The following TPO variants were observed in gnomAD, a reference collection of about 807,000 sequenced individuals.
The protein encoded by TPO is thyroid microsomal antigen.
In TPO, 78 loss-of-function variants were observed where a neutral mutation model predicts 96.9. The ratio of observed to expected loss-of-function variants is 0.81; its 90% CI spans 0.67 to 0.97. The LOEUF is 0.97. Among genes scored for constraint, TPO ranks in the 50% least tolerant of loss-of-function variants. The pLI is 0.00. For synonymous variants in TPO, 547 were observed against 538.0 expected (o/e 1.02, Z -0.23); for missense variants, 1,252 against 1,274.8 (o/e 0.98, Z 0.27).
intron 8 of TPO, among the ~76,000 whole-genome samples, chr2:1,480,559 TAC>T (rs3036105): frequency 0.059 from 2,593 of 44,288 alleles, 56 homozygotes; most frequent in Middle Eastern, 0.11. Flanking sequence ...TCAAACCCCC[TAC>T]ACACACACAC....
At chr2:1,428,008 C>T (rs1477110789) in intron 3 of TPO, among the ~76,000 whole-genome samples, 7 of 152,086 alleles carry the variant, frequency 4.6e-5, no homozygotes, top group East Asian at 1.9e-4. Flanking sequence ...AAACCGAGAG[C>T]GATCCAGAGA....
intron 7 of TPO, among the ~76,000 whole-genome samples, chr2:1,470,739 T>C (rs1464074216): frequency 1.3e-5 from 2 of 152,278 alleles, no homozygotes; most frequent in East Asian, 1.9e-4. Context: ...ACATACTGTG[T>C]CTACTAGGAA....
chr2:1,493,416 G>A (rs1671989507), intron 10 of TPO, among the ~76,000 whole-genome samples: 1 of 152,144 alleles, frequency 6.6e-6, no homozygotes, highest in Non-Finnish European at 1.5e-5. Context: ...AAAGAGCTCT[G>A]GCGTCCGAGC....
At chr2:1,525,823 C>A (rs72776256) in intron 15 of TPO, among the ~76,000 whole-genome samples, 17,757 of 143,292 alleles carry the variant, frequency 0.12, 1,256 homozygotes, top group Non-Finnish European at 0.14. Flanking sequence ...TGCAACCTAC[C>A]CAAATGCCCC....
chr2:1,524,109 C>T (rs72776254), intron 15 of TPO, among the ~76,000 whole-genome samples: 14,546 of 61,772 alleles, frequency 0.24, 952 homozygotes, highest in Non-Finnish European at 0.26. Flanking sequence ...CCCCCCACTC[C>T]GTGCAACCTC....
chr2:1,485,773 T>G (rs767264515), intron 9 of TPO, among the ~76,000 whole-genome samples: 28 of 152,180 alleles, frequency 1.8e-4, no homozygotes, highest in Non-Finnish European at 3.4e-4. Flanking sequence ...CCTTGTAAAT[T>G]GGTTTGCATT....
At chr2:1,422,337 C>CCTGGACAGACCTCGTGCAGACGCCGCG (rs1663712494) in intron 2 of TPO, among the ~76,000 whole-genome samples, 3 of 83,192 alleles carry the variant, frequency 3.6e-5, no homozygotes, top group Non-Finnish European at 5.5e-5. Context: ...AGGCGCCTCT[C>CCTGGACAGACCTCGTGCAGACGCCGCG]CTGGACCGAC....
chr2:1,506,695 T>C (rs1185801638), intron 14 of TPO, among the ~76,000 whole-genome samples: 1 of 152,232 alleles, frequency 6.6e-6, no homozygotes, highest in Non-Finnish European at 1.5e-5. Flanking sequence ...TTGAGAAGTG[T>C]CTGTTCATAT....
At chr2:1,423,624 AAAAAG>A (rs1241821540) in intron 3 of TPO, among the ~76,000 whole-genome samples, 3 of 152,204 alleles carry the variant, frequency 2.0e-5, no homozygotes, top group South Asian at 4.1e-4. Context: ...ACCTGTCTAG[AAAAAG>A]AAAAGAAAAA....
intron 9 of TPO, among the ~76,000 whole-genome samples, chr2:1,485,538 C>T (rs1671077454): frequency 6.6e-6 from 1 of 151,744 alleles, no homozygotes; most frequent in Admixed American, 6.5e-5. Context: ...TAAAAGCATT[C>T]CTTTTCTCCA....
intron 14 of TPO, among the ~76,000 whole-genome samples, chr2:1,505,504 CCCA>C (rs1673343591): frequency 2.9e-5 from 3 of 104,190 alleles, no homozygotes; most frequent in African/African-American, 3.8e-5. Flanking sequence ...CAGGCACACC[CCCA>C]CCACCATCCT....
intron 15 of TPO, 89 bp from the exon 16 acceptor site, chr2:1,540,505 T>C (rs2125351886): frequency 6.3e-7 from 1 of 1,599,982 alleles, no homozygotes; most frequent in Non-Finnish European, 8.5e-7. Context: ...CAAGCACGGC[T>C]GCCTTGCCGT....
At chr2:1,381,992 A>T (rs954331408) in intron 1 of TPO, among the ~76,000 whole-genome samples, 1 of 152,162 alleles carries the variant, frequency 6.6e-6, no homozygotes, top group African/African-American at 2.4e-5. Context: ...TTTCATGAGG[A>T]TGGGAAGATG....
chr2:1,538,706 G>T (rs970813645), intron 15 of TPO, among the ~76,000 whole-genome samples: 1 of 152,196 alleles, frequency 6.6e-6, no homozygotes, highest in Non-Finnish European at 1.5e-5. Flanking sequence ...GCAGAGTGGT[G>T]ATGGTTCAGG....
intron 15 of TPO, among the ~76,000 whole-genome samples, chr2:1,527,778 GTGCAACCTCCCAAAATCCCACACACTGTA>G (rs1298183875): frequency 4.1e-5 from 5 of 121,264 alleles, no homozygotes; most frequent in East Asian, 2.8e-4. Flanking sequence ...CCCCCACTCT[GTGCAACCTCCCAAAATCCCACACACTGTA>G]TGCAACCTCC....
rs531817892 is a variant in TPO, at chr2:1,392,284, A to G, written n.180+17882A>G. ...AATCCTGTGGTTTTTGTCATTGGTT[A>G]TGTTTACGTGATGGATTATGTTCAT... On this transcript the variant is annotated intron_variant and non_coding_transcript_variant, in intron 1 of 5. Transcript: ENST00000497517. Among the ~76,000 whole-genome samples, 29 of 152,228 alleles carry G rather than the reference A, an allele frequency of 1.9e-4. No individual in the cohort carries two copies. In the Middle Eastern group the frequency reaches 0.01, roughly 54 times the overall value.
At chr2:1,487,106 T>C (rs1671242882) in intron 9 of TPO, among the ~76,000 whole-genome samples, 1 of 152,192 alleles carries the variant, frequency 6.6e-6, no homozygotes, top group Non-Finnish European at 1.5e-5. Context: ...GCGGGGCCTT[T>C]GGAGATGACA....
At chr2:1,379,601 CCTT>C (rs1215722382) in intron 1 of TPO, among the ~76,000 whole-genome samples, 2 of 152,134 alleles carry the variant, frequency 1.3e-5, no homozygotes, top group Non-Finnish European at 2.9e-5. Flanking sequence ...TAATCTCGGG[CCTT>C]CTTGTAAACC....
intron 8 of TPO, among the ~76,000 whole-genome samples, chr2:1,483,650 A>T (rs191937842): frequency 6.6e-6 from 1 of 152,322 alleles, no homozygotes; most frequent in Non-Finnish European, 1.5e-5. Context: ...AGTGCTTGGC[A>T]CCAATGGATG....
Sources: allele counts gnomAD v4.1 joint callset (sites outside exome capture counted in the v4.1 genomes callset), GRCh38; gene constraint gnomAD v4.1.1; transcripts MANE v1.5; gene names NCBI Gene and HGNC (gene_info 2026-07-23, HGNC 2026-07-21).